The following RANBP10 variants were observed in gnomAD, a reference collection of about 807,000 sequenced individuals.
The protein encoded by RANBP10 is RAN binding protein 10.
RANBP10 carries 24 observed loss-of-function variants against 72.8 expected under a neutral mutation model. The ratio of observed to expected loss-of-function variants is 0.33; its 90% CI spans 0.24 to 0.46. RANBP10 has a LOEUF of 0.46. Among genes scored for constraint, RANBP10 ranks in the 20% least tolerant of loss-of-function variants. The probability of loss-of-function intolerance (pLI) is 1.00; values close to 1 mark genes in which losing one functional copy is unlikely to be tolerated. For missense variants in RANBP10, 679 were observed against 817.5 expected (o/e 0.83, Z 2.07); for synonymous variants, 310 against 322.3 (o/e 0.96, Z 0.41).
At chr16:67,726,877 C>T (rs2053612038) in intron 13 of RANBP10, among the ~76,000 whole-genome samples, 1 of 152,182 alleles carries the variant, frequency 6.6e-6, no homozygotes, top group African/African-American at 2.4e-5. Flanking sequence ...TATGAGTCAC[C>T]AGAGAGGGCC....
chr16:67,803,830 TAAAAAAAAAA>T (rs1186108487), intron 2 of RANBP10, among the ~76,000 whole-genome samples: 1 of 91,602 alleles, frequency 1.1e-5, no homozygotes, highest in Non-Finnish European at 2.3e-5. Context: ...CCCATCTCAT[TAAAAAAAAAA>T]AAAAAAAAAA....
chr16:67,733,271 T>C (rs1216041755), intron 6 of RANBP10, among the ~76,000 whole-genome samples: 1 of 151,738 alleles, frequency 6.6e-6, no homozygotes, highest in African/African-American at 2.4e-5. Flanking sequence ...GAGACTGAGG[T>C]AGAAGAATTG....
At chr16:67,771,565 G>A (rs776923425) in intron 3 of RANBP10, among the ~76,000 whole-genome samples, 52 of 152,038 alleles carry the variant, frequency 3.4e-4, no homozygotes, top group Admixed American at 5.9e-4. Context: ...GGCTGGTCTC[G>A]AACTCCTGAC....
chr16:67,738,416 G>A (rs964764459), intron 4 of RANBP10, among the ~76,000 whole-genome samples: 4 of 151,812 alleles, frequency 2.6e-5, no homozygotes, highest in African/African-American at 9.7e-5. Flanking sequence ...AGGATTACAG[G>A]CATGAGCTAC....
chr16:67,750,761 CTTTTTTTTTTTTT>C (rs914921755), intron 3 of RANBP10, among the ~76,000 whole-genome samples: 1 of 110,254 alleles, frequency 9.1e-6, no homozygotes, highest in Non-Finnish European at 1.8e-5. Context: ...TTTTCACTTT[CTTTTTTTTTTTTT>C]TTTTTTTTTT....
rs1407779977 is a variant in RANBP10, at chr16:67,729,065, T to A, written c.1352+215A>T. 6.6e-6 allele frequency among the ~76,000 whole-genome samples: 1 copy of A among 152,236 alleles called. No individual in the cohort carries two copies. The highest frequency in any genetic ancestry group is 6.5e-5 in the Admixed American group (1 of 15,286). ...CTCAGCCTGGCATCATTGGAGCCTCTGGAGAAAGCCAAGGCCAAAGAAAGT... is the reference window on the plus strand; with the variant it reads ...CTCAGCCTGGCATCATTGGAGCCTCAGGAGAAAGCCAAGGCCAAAGAAAGT... On this transcript the variant is annotated intron_variant, in intron 10 of 13. Transcript: ENST00000317506. This position sits in a 1 kb window ranked among gnomAD's most constrained non-coding sequence, Gnocchi z 7.1.
In RANBP10 at chr16:67,806,356, C is replaced by T. The variant is rs765329984; in HGVS notation, c.181G>A (p.Asp61Asn). The T allele has an allele frequency of 3.1e-6, 5 of 1,613,326 alleles. No individual in the cohort carries two copies. The highest frequency in any genetic ancestry group is 2.2e-5 in the East Asian group (1 of 44,850). ...TPLPRSWSPK[D>N]KYNYIGLSQG... ...GAGAGACCAATGTAGTTGTATTTGT[C>T]CTTGGGGCTCCAGGAGCGCGGCAGC... Residue 61 changes from aspartate (D) to asparagine (N), a missense_variant, in exon 1 of 14, where the codon GAC (aspartate) becomes AAC (asparagine). By Grantham distance (23) the Asp-to-Asn change is conservative. Transcript: ENST00000317506.
intron 3 of RANBP10, among the ~76,000 whole-genome samples, chr16:67,768,475 C>T (rs1380079639): frequency 1.3e-5 from 2 of 152,062 alleles, no homozygotes; most frequent in Middle Eastern, 3.4e-3. Flanking sequence ...GAGCCGAGAT[C>T]GTGCCAGTTC....
chr16:67,741,341 C>T (rs1056762705), intron 4 of RANBP10, among the ~76,000 whole-genome samples: 1 of 152,150 alleles, frequency 6.6e-6, no homozygotes, highest in Non-Finnish European at 1.5e-5. Flanking sequence ...TGAGGAAAGA[C>T]GCTACTCCAC....
chr16:67,735,131 G>T (rs1597831336), intron 5 of RANBP10, 89 bp from the exon 6 acceptor site: 1 of 1,304,560 alleles, frequency 7.7e-7, no homozygotes, highest in East Asian at 2.5e-5. Flanking sequence ...GCTGGCCCAT[G>T]CTTGGGCTGG....
chr16:67,785,900 C>G (rs2143016640), intron 2 of RANBP10, among the ~76,000 whole-genome samples: 1 of 151,862 alleles, frequency 6.6e-6, no homozygotes, highest in South Asian at 2.1e-4. Context: ...GTGGCAGGCG[C>G]CTGTAGTCCC....
rs1182662957 is a variant in RANBP10, at chr16:67,724,286, G to A, written c.*2142C>T. The A allele has an allele frequency of 6.6e-6, 1 of 152,216 alleles. No individual in the cohort carries two copies. The highest frequency in any genetic ancestry group is 1.5e-5 in the Non-Finnish European group (1 of 68,042). 9.4% of individuals were successfully genotyped at this position (152,216 alleles called of 1,614,324 possible). ...CTAAATAGTGTTGCCCAACCCACAG[G>A]GATAAGGGATAGTCCCGGCTCTGCT... On this transcript the variant is annotated 3_prime_UTR_variant, in exon 14 of 14. Transcript: ENST00000317506.
intron 3 of RANBP10, among the ~76,000 whole-genome samples, chr16:67,758,716 T>C (rs763994788): frequency 3.3e-5 from 5 of 152,236 alleles, no homozygotes; most frequent in African/African-American, 7.2e-5. Context: ...ACCTTTTCTA[T>C]CAAAGGACTT....
At chr16:67,786,682 C>T (rs967706663) in intron 2 of RANBP10, among the ~76,000 whole-genome samples, 2 of 152,202 alleles carry the variant, frequency 1.3e-5, no homozygotes, top group Non-Finnish European at 2.9e-5. Flanking sequence ...AATTTCAGCA[C>T]TTTGGGAGGC....
At chr16:67,748,999 A>G (rs2054144328) in intron 3 of RANBP10, among the ~76,000 whole-genome samples, 1 of 152,200 alleles carries the variant, frequency 6.6e-6, no homozygotes, top group Non-Finnish European at 1.5e-5. Flanking sequence ...TCTCCTGAGT[A>G]GAGGATCTGA....
intron 2 of RANBP10, among the ~76,000 whole-genome samples, chr16:67,800,478 A>C (rs773308775): frequency 1.2e-4 from 18 of 152,312 alleles, no homozygotes; most frequent in Non-Finnish European, 1.8e-4. Flanking sequence ...TCCATGTGTC[A>C]TCACTAAGAG....
chr16:67,737,106 T>A (rs1340725152), intron 5 of RANBP10, among the ~76,000 whole-genome samples: 1 of 149,890 alleles, frequency 6.7e-6, no homozygotes, highest in Non-Finnish European at 1.5e-5. Flanking sequence ...GGTGAGGATA[T>A]GCCCTGAACT....
At chr16:67,774,671 C>A (rs1024123842) in intron 2 of RANBP10, among the ~76,000 whole-genome samples, 1 of 152,212 alleles carries the variant, frequency 6.6e-6, no homozygotes, top group Admixed American at 6.5e-5. Flanking sequence ...CAGGGAGCAG[C>A]CCCACAGGAG....
chr16:67,753,057 T>A (rs140083896), intron 3 of RANBP10, among the ~76,000 whole-genome samples: 1 of 151,086 alleles, frequency 6.6e-6, no homozygotes, highest in African/African-American at 2.4e-5. Context: ...CTGGGCAACA[T>A]GGTGAGACCC....
Sources: gnomAD v4.1 joint callset for allele counts (sites outside exome capture counted in the v4.1 genomes callset) on GRCh38, gnomAD v4.1.1 for gene constraint, Gnocchi (gnomAD v3.1) non-coding constraint, MANE v1.5 for transcripts, NCBI Gene and HGNC (gene_info 2026-07-23, HGNC 2026-07-21) for gene names.